MEF2D: variants seen among roughly 807,000 people sequenced by gnomAD.
MEF2D encodes the protein myocyte-specific enhancer factor 2D.
Under a neutral mutation model 59.3 loss-of-function variants are expected in MEF2D, and 10 were observed. The observed-to-expected ratio is 0.17, with a 90% CI of 0.10 to 0.29. MEF2D has a LOEUF of 0.29. MEF2D is among the 10% of genes least tolerant of loss of function. The pLI is 1.00. For synonymous variants in MEF2D, 305 were observed against 295.0 expected, an observed-to-expected ratio of 1.03 and a Z score of -0.35; for missense variants, 508 against 699.4, an observed-to-expected ratio of 0.73 and a Z score of 3.09.
rs753546433 is a variant in MEF2D at position 156,477,224 on chromosome 1, G to T, written c.665-22C>A. ...TTCCCTGGAGAAGTGACAACAAGAG[G>T]GTAAAAGGAAAAACATGGGCCTATC... On this transcript the variant is annotated intron_variant, in intron 6 of 11. Coordinates refer to ENST00000348159, the MANE Select transcript of MEF2D (RefSeq NM_005920.4). 7 of 1,563,094 alleles carry T rather than the reference G, an allele frequency of 4.5e-6. No individual in the cohort carries two copies. The South Asian group carries it at 7.2e-5, about 16-fold the overall frequency.
chr1:156,469,632 T>C (rs951847878), intron 9 of MEF2D, among the ~76,000 whole-genome samples: 3 of 149,536 alleles, frequency 2.0e-5, no homozygotes, highest in Non-Finnish European at 4.4e-5. Flanking sequence ...CTCATGTCTA[T>C]AATCCCAGCA....
At position 156,483,432 on chromosome 1, in the gene MEF2D, T is replaced by G. The variant is rs113959353; in HGVS notation, c.-138-2A>C. The G allele has an allele frequency of 9.8e-6, 8 of 817,052 alleles. No individual in the cohort carries two copies. Among genetic ancestry groups the G allele is most frequent in the Non-Finnish European group, 1.4e-5 (7 of 492,298 alleles). 50.6% of individuals were successfully genotyped at this position (817,052 alleles called of 1,614,324 possible). A position where few individuals can be genotyped will look rare whatever the true frequency, so the allele number is the denominator to read the frequency against. On this transcript the variant is annotated splice_acceptor_variant, in intron 1 of 11. Transcript: ENST00000348159. LOFTEE classifies it low-confidence loss of function (5UTR_SPLICE). Reference sequence around the variant, plus strand: ...GCAGGATACCTTCTGCACAGCCTCCTGGAAAGGGAGGGTCATGAGAGGTCT... The same window carrying G: ...GCAGGATACCTTCTGCACAGCCTCCGGGAAAGGGAGGGTCATGAGAGGTCT...
chr1:156,497,849 T>C (rs1673218956), intron 1 of MEF2D, among the ~76,000 whole-genome samples: 1 of 151,198 alleles, frequency 6.6e-6, no homozygotes, highest in Admixed American at 6.6e-5. Flanking sequence ...GTTGACAAAA[T>C]GGGGAGAGGT....
chr1:156,468,211 T>C lies in MEF2D; in HGVS notation c.1336A>G (p.Ser446Gly), dbSNP rs1219378006. 1.2e-6 allele frequency: 2 copies of C among 1,612,650 alleles called. No homozygotes were observed. The highest frequency in any genetic ancestry group is 1.7e-5 in the Admixed American group (1 of 59,914). Reference sequence around the variant, plus strand: ...GGAGGCGCAGGGCTGCGCTCACGGCTTGGGGACACCGGTTCTGACTTGATG... The same window carrying C: ...GGAGGCGCAGGGCTGCGCTCACGGCCTGGGGACACCGGTTCTGACTTGATG... ...ISIKSEPVSP[S>G]RERSPAPPPP... The change falls in exon 11 of 12, where the codon AGC (serine) becomes GGC (glycine). Residue 446 changes from serine (S) to glycine (G), a missense_variant. By Grantham distance (56) the Ser-to-Gly change is moderately conservative. Coordinates refer to ENST00000348159, the MANE Select transcript of MEF2D (RefSeq NM_005920.4). The surrounding 1 kb of genome is among the most constrained non-coding windows in gnomAD (Gnocchi z 4.3).
intron 8 of MEF2D, 97 bp downstream of exon 8, chr1:156,476,397 G>T: frequency 1.4e-6 from 2 of 1,401,820 alleles, no homozygotes; most frequent in South Asian, 1.2e-5. Context: ...TCACGCACAG[G>T]CGAGAGGCCA....
chr1:156,482,688 T>C, intron 2 of MEF2D, 48 bp from the exon 3 acceptor site: 1 of 1,563,376 alleles, frequency 6.4e-7, no homozygotes, highest in South Asian at 1.1e-5. Flanking sequence ...AGTTAAGGCC[T>C]GATTGGGAGT....
chr1:156,468,740 C>G lies in MEF2D; in HGVS notation c.1247+40G>C, dbSNP rs1571214047. On this transcript the variant is annotated intron_variant, in intron 10 of 11. Coordinates refer to ENST00000348159, the MANE Select transcript of MEF2D (RefSeq NM_005920.4). The surrounding 1 kb of genome is among the most constrained non-coding windows in gnomAD (Gnocchi z 4.3). Reference sequence around the variant, plus strand: ...GTCCCTCCTCTTCCCGTTCAATTCTCCCTTCCCACACACTCACATGCAGTC... The same window carrying G: ...GTCCCTCCTCTTCCCGTTCAATTCTGCCTTCCCACACACTCACATGCAGTC... 2 of 1,590,822 alleles carry G rather than the reference C, an allele frequency of 1.3e-6. No individual in the cohort carries two copies.
rs1294450035 is a variant in MEF2D, at chr1:156,483,728, C to T, written c.-138-298G>A. 2.6e-5 allele frequency among the ~76,000 whole-genome samples: 4 copies of T among 152,224 alleles called. 1 individual carries two copies. The highest frequency in any genetic ancestry group is 6.5e-5 in the Admixed American group (1 of 15,278). Reference sequence around the variant, plus strand: ...TGGGTCTCAGAGAATATCCCATGGCCCATTCTTCTCTCTAGAACCTGCTTG... The same window carrying T: ...TGGGTCTCAGAGAATATCCCATGGCTCATTCTTCTCTCTAGAACCTGCTTG... On this transcript the variant is annotated intron_variant, in intron 1 of 11. Transcript: ENST00000348159.
intron 1 of MEF2D, among the ~76,000 whole-genome samples, chr1:156,489,742 C>G (rs1038552711): frequency 6.6e-6 from 1 of 152,130 alleles, no homozygotes; most frequent in Admixed American, 6.5e-5. Flanking sequence ...GGCAAGGGGG[C>G]CCTTGGGGGC....
intron 1 of MEF2D, among the ~76,000 whole-genome samples, 152 bp downstream of exon 1, chr1:156,500,334 A>T (rs913474626): frequency 2.6e-5 from 4 of 152,106 alleles, no homozygotes; most frequent in Admixed American, 2.6e-4. Flanking sequence ...CCACACGAAA[A>T]CACGGCCCGC....
chr1:156,477,106 G>T lies in MEF2D; in HGVS notation c.761C>A (p.Pro254Gln), dbSNP rs867321500. The change falls in exon 7 of 12, where the codon CCA becomes CAA. Residue 254 changes from proline (P) to glutamine (Q), a missense_variant. Pro to Gln is a moderately conservative substitution (Grantham distance 76). This residue lies in a region of MEF2D where 481 missense variants were observed against 584.7 expected (regional missense o/e 0.82). Transcript: ENST00000348159. ...NKVIPAKSPP[P>Q]PTHSTQLGAP... ...TCCAAGCTGGGTGCTGTGGGTAGGT[G>T]GGGGTGGAGACTTGGCAGGGATGAC... The T allele has an allele frequency of 6.2e-7, 1 of 1,614,028 alleles. No individual in the cohort carries two copies. The highest frequency in any genetic ancestry group is 1.7e-5 in the Admixed American group (1 of 60,020).
intron 6 of MEF2D, among the ~76,000 whole-genome samples, chr1:156,478,146 AG>A (rs921780633): frequency 1.3e-5 from 2 of 152,186 alleles, no homozygotes; most frequent in Non-Finnish European, 2.9e-5. Flanking sequence ...TGCTCACTTG[AG>A]GTCTACAAGC....
At chr1:156,476,401 G>A in intron 8 of MEF2D, 93 bp downstream of exon 8, 2 of 1,432,006 alleles carry the variant, frequency 1.4e-6, no homozygotes, top group Admixed American at 3.8e-5. Context: ...GCACAGGCGA[G>A]AGGCCAAGGA....
chr1:156,479,395 G>T, intron 5 of MEF2D, 49 bp from the exon 6 acceptor site: 1 of 1,591,756 alleles, frequency 6.3e-7, no homozygotes. Context: ...CCCGCTTCAA[G>T]AGTGAGTCTT....
At chr1:156,476,579 GT>G (rs1450942455) in intron 7 of MEF2D, 65 bp from the exon 8 acceptor site, 25 of 1,578,682 alleles carry the variant, frequency 1.6e-5, no homozygotes, top group Admixed American at 5.4e-5. Flanking sequence ...CCACACCTCT[GT>G]CCCCACAGCT....
intron 1 of MEF2D, among the ~76,000 whole-genome samples, chr1:156,487,512 T>C (rs1672451221): frequency 6.6e-6 from 1 of 152,188 alleles, no homozygotes; most frequent in South Asian, 2.1e-4. Flanking sequence ...TTCCTTCTGC[T>C]ATCCATTCCA....
In MEF2D at chr1:156,482,623, C is replaced by G; in HGVS notation, c.72G>C (p.Arg24=). Residue 24 remains arginine (R), a synonymous_variant, in exon 3 of 12, where the codon CGG becomes CGC. Coordinates refer to ENST00000348159, the MANE Select transcript of MEF2D (RefSeq NM_005920.4). The part of the protein sequence containing the change: ...ERNRQVTFTK[R]KFGLMKKAYE... ...ACGCCTTCTTCATCAGGCCAAACTT[C>G]CGCTTGGTGAAAGTCACCTGCAGAG... 6.2e-7 allele frequency: 1 copy of G among 1,614,262 alleles called. No individual in the cohort carries two copies. The highest frequency in any genetic ancestry group is 1.1e-5 in the South Asian group (1 of 91,086).
In MEF2D at chr1:156,468,805, C is replaced by CATGAGA. The variant is rs1277712791; in HGVS notation, c.1221_1222insTCTCAT (p.Leu407_Val408insSerHis). 1 of 1,613,918 alleles carries CATGAGA rather than the reference C, an allele frequency of 6.2e-7. No homozygotes were observed. The highest frequency in any genetic ancestry group is 1.7e-5 in the Admixed American group (1 of 60,010). On this transcript the variant is annotated inframe_insertion, in exon 10 of 12. Transcript: ENST00000348159. The surrounding 1 kb of genome is among the most constrained non-coding windows in gnomAD (Gnocchi z 4.3). ...ATGAGGTTGCTGAGAGATACAGGGA[C>CATGAGA]CAGGTGGGACTGTTGCTGAGGTGGC... is the stretch of plus-strand genomic sequence containing the variant.
At position 156,468,160 on chromosome 1, in the gene MEF2D, G is replaced by C; in HGVS notation, c.1387C>G (p.Arg463Gly). ...CTGAGACCATCGCCAGGCTCAGGGC[G>C]GGCAGCTGGGAACACAGCTGGAGGG... The part of the protein sequence containing the change: ...PPPPAVFPAA[R>G]PEPGDGLSSP... The change falls in exon 11 of 12, where the codon CGC (arginine) becomes GGC (glycine). Residue 463 changes from arginine (R) to glycine (G), a missense_variant. By Grantham distance (125) the Arg-to-Gly change is moderately radical. This residue lies in a region of MEF2D where 481 missense variants were observed against 584.7 expected (regional missense o/e 0.82). Transcript: ENST00000348159. This position sits in a 1 kb window ranked among gnomAD's most constrained non-coding sequence, Gnocchi z 4.3. 6.2e-7 allele frequency: 1 copy of C among 1,613,936 alleles called. No homozygotes were observed. The highest frequency in any genetic ancestry group is 8.5e-7 in the Non-Finnish European group (1 of 1,179,848).
Sources: allele counts gnomAD v4.1 joint callset (sites outside exome capture counted in the v4.1 genomes callset), GRCh38; gene constraint gnomAD v4.1.1; regional missense constraint gnomAD v4.1.1; non-coding constraint Gnocchi (gnomAD v3.1); transcripts MANE v1.5; gene names NCBI Gene and HGNC (gene_info 2026-07-23, HGNC 2026-07-21).